Variants in ARHGEF10L observed in about 807,000 individuals in gnomAD.
ARHGEF10L encodes rho guanine nucleotide exchange factor 10-like protein.
Under a neutral mutation model 141.2 loss-of-function variants are expected in ARHGEF10L, and 69 were observed. The ratio of observed to expected loss-of-function variants is 0.49; its 90% CI spans 0.40 to 0.60. ARHGEF10L has a LOEUF of 0.60. Among genes scored for constraint, ARHGEF10L ranks in the 20% least tolerant of loss-of-function variants. The pLI is 0.00. For missense variants in ARHGEF10L, 1,482 were observed against 1,734.3 expected (o/e 0.85, Z 2.58); for synonymous variants, 711 against 718.5 (o/e 0.99, Z 0.17).
In ARHGEF10L at chr1:17,625,994, C is replaced by T. The variant is rs771567363; in HGVS notation, c.1356C>T (p.Tyr452=). 8.1e-6 allele frequency: 13 copies of T among 1,613,848 alleles called. No homozygotes were observed. The highest frequency in any genetic ancestry group is 4.0e-5 in the African/African-American group (3 of 74,904). ...GCAGCCCAGACCGTGTCACCCTCTA[C>T]GGGCTGATGGTCAAGCCCATCCAGA... The part of the protein sequence containing the change: ...QVCSPDRVTL[Y]GLMVKPIQRF... Residue 452 remains tyrosine (Y), a synonymous_variant, in exon 14 of 29, where the codon TAC becomes TAT. Coordinates refer to ENST00000361221, the MANE Select transcript of ARHGEF10L (RefSeq NM_018125.4). This position sits in a 1 kb window ranked among gnomAD's most constrained non-coding sequence, Gnocchi z 4.5.
At chr1:17,597,174 C>T (rs2080192387) in intron 4 of ARHGEF10L, among the ~76,000 whole-genome samples, 1 of 152,158 alleles carries the variant, frequency 6.6e-6, no homozygotes, top group African/African-American at 2.4e-5. Flanking sequence ...CAGCTTCTTT[C>T]CTTTGCATTC....
chr1:17,693,880 G>T (rs2065289307), intron 27 of ARHGEF10L, among the ~76,000 whole-genome samples: 1 of 152,170 alleles, frequency 6.6e-6, no homozygotes, highest in Non-Finnish European at 1.5e-5. Context: ...CCTTTAGAAA[G>T]GCAGCTGCCC....
chr1:17,519,275 A>C, the ARHGEF10L span, among the ~76,000 whole-genome samples: 1 of 151,972 alleles, frequency 6.6e-6, no homozygotes, highest in Non-Finnish European at 1.5e-5. Context: ...TTCTCACAAA[A>C]ACCCCATCAG....
Position 17,656,718 on chromosome 1 carries a change from GGGGGGAAT to G in ARHGEF10L, c.2860+18_2860+25del, listed in dbSNP as rs1281569391. 6.2e-7 allele frequency: 1 copy of G among 1,605,902 alleles called. No individual in the cohort carries two copies. Among genetic ancestry groups the G allele is most frequent in the East Asian group, 2.2e-5 (1 of 44,680 alleles). ...TACCCTCGGACCAGCGGTGAGGACT[GGGGGGAAT>G]GGGGGAAGGGGGGCAGTCCTGGATG... On this transcript the variant is annotated intron_variant, in intron 25 of 28. Transcript: ENST00000361221. The surrounding 1 kb of genome is among the most constrained non-coding windows in gnomAD (Gnocchi z 4.9).
chr1:17,653,765 C>T (rs2062069975), intron 22 of ARHGEF10L, among the ~76,000 whole-genome samples: 1 of 152,268 alleles, frequency 6.6e-6, no homozygotes, highest in African/African-American at 2.4e-5. Flanking sequence ...AGCCCTCACT[C>T]TGCCACTAAC....
Position 17,625,979 on chromosome 1 carries a change from C to G in ARHGEF10L, c.1341C>G (p.Asp447Glu), listed in dbSNP as rs145429194. ...FLKRRQVCSP[D>E]RVTLYGLMVK... Reference sequence around the variant, plus strand: ...AGCGACGGCAGGTGTGCAGCCCAGACCGTGTCACCCTCTACGGGCTGATGG... The same window carrying G: ...AGCGACGGCAGGTGTGCAGCCCAGAGCGTGTCACCCTCTACGGGCTGATGG... The change falls in exon 14 of 29, where the codon GAC becomes GAG. Residue 447 changes from aspartate (D) to glutamate (E), a missense_variant. This residue lies in a region of ARHGEF10L where 392 missense variants were observed against 542.1 expected (regional missense o/e 0.72). Transcript: ENST00000361221. The surrounding 1 kb of genome is among the most constrained non-coding windows in gnomAD (Gnocchi z 4.5). The G allele has an allele frequency of 6.2e-7, 1 of 1,613,952 alleles. No homozygotes were observed.
intron 26 of ARHGEF10L, among the ~76,000 whole-genome samples, chr1:17,671,629 G>A (rs1447883081): frequency 6.6e-6 from 1 of 152,210 alleles, no homozygotes; most frequent in African/African-American, 2.4e-5. Flanking sequence ...CCCAGGCCTG[G>A]TTCCTGCCTT....
At chr1:17,592,727 A>C (rs912833246) in intron 4 of ARHGEF10L, among the ~76,000 whole-genome samples, 8 of 152,020 alleles carry the variant, frequency 5.3e-5, no homozygotes, top group Non-Finnish European at 8.8e-5. Flanking sequence ...ATTGCCGCAG[A>C]CCTAGTCTGG....
intron 9 of ARHGEF10L, 24 bp downstream of exon 9, chr1:17,616,226 G>T: frequency 6.3e-7 from 1 of 1,593,664 alleles, no homozygotes; most frequent in South Asian, 1.1e-5. Flanking sequence ...CGAGCGGGAG[G>T]GTCTGGTGCC....
chr1:17,660,547 C>A (rs570893671), intron 25 of ARHGEF10L, among the ~76,000 whole-genome samples: 1 of 152,346 alleles, frequency 6.6e-6, no homozygotes, highest in Non-Finnish European at 1.5e-5. Context: ...TGTCACCAGG[C>A]AGGGGCTGCC....
At chr1:17,655,815 G>A (rs1394284049) in intron 23 of ARHGEF10L, 64 bp from the exon 24 acceptor site, 5 of 1,441,512 alleles carry the variant, frequency 3.5e-6, no homozygotes, top group Non-Finnish European at 4.7e-6. Context: ...AGCAGGGGCT[G>A]AGGTCCTCCT....
intron 26 of ARHGEF10L, among the ~76,000 whole-genome samples, chr1:17,679,031 A>T (rs1486928322): frequency 6.6e-5 from 10 of 152,302 alleles, no homozygotes; most frequent in Admixed American, 2.6e-4. Context: ...TTGTTAAAGG[A>T]AATTTGGGGT....
At chr1:17,648,841 C>T (rs746645632) in intron 22 of ARHGEF10L, among the ~76,000 whole-genome samples, 166 bp downstream of exon 22, 2 of 152,334 alleles carry the variant, frequency 1.3e-5, no homozygotes, top group African/African-American at 2.4e-5. Context: ...TTTGTTGCTT[C>T]GGGAATCAGC....
At chr1:17,670,634 C>G (rs924776051) in intron 26 of ARHGEF10L, among the ~76,000 whole-genome samples, 1 of 152,238 alleles carries the variant, frequency 6.6e-6, no homozygotes, top group African/African-American at 2.4e-5. Flanking sequence ...TGTGAGCTGG[C>G]GTCTCTGCCA....
At chr1:17,624,568 A>G in intron 13 of ARHGEF10L, 65 bp downstream of exon 13, 4 of 1,368,794 alleles carry the variant, frequency 2.9e-6, no homozygotes, top group Non-Finnish European at 4.2e-6. Context: ...GGAGGAAGGG[A>G]GCATTTTGGC....
chr1:17,634,468 C>A, intron 16 of ARHGEF10L, 80 bp from the exon 17 acceptor site: 1 of 1,608,468 alleles, frequency 6.2e-7, no homozygotes. Context: ...CCATGGCTGG[C>A]CCCCAGCGGG....
chr1:17,683,595 CCA>C (rs1280301325), intron 26 of ARHGEF10L, among the ~76,000 whole-genome samples: 3 of 152,096 alleles, frequency 2.0e-5, no homozygotes, highest in Non-Finnish European at 4.4e-5. Context: ...ACCCAGGAGC[CCA>C]GAGGTAGCTG....
chr1:17,663,501 C>T (rs568113091), intron 25 of ARHGEF10L, among the ~76,000 whole-genome samples: 1 of 151,340 alleles, frequency 6.6e-6, no homozygotes, highest in Non-Finnish European at 1.5e-5. Context: ...TTGCAGTGAG[C>T]CAAGACTATG....
chr1:17,537,745 G>C (rs566284130), upstream of ARHGEF10L, among the ~76,000 whole-genome samples: 232 of 151,430 alleles, frequency 1.5e-3, 1 homozygote, highest in Non-Finnish European at 2.0e-3. Context: ...GGCCGGGCAC[G>C]GTGATTCACA....
Sources: allele counts gnomAD v4.1 joint callset (sites outside exome capture counted in the v4.1 genomes callset), GRCh38; gene constraint gnomAD v4.1.1; regional missense constraint gnomAD v4.1.1; non-coding constraint Gnocchi (gnomAD v3.1); transcripts MANE v1.5; gene names NCBI Gene and HGNC (gene_info 2026-07-23, HGNC 2026-07-21).